LCLAT1: variants seen among roughly 807,000 people sequenced by gnomAD.
LCLAT1 encodes the protein 1-AGP acyltransferase 8.
In LCLAT1, 11 loss-of-function variants were observed where a neutral mutation model predicts 30.7. The observed-to-expected ratio is 0.36, with a 90% confidence interval of 0.23 to 0.59. LCLAT1 has a LOEUF of 0.59. Ranked by LOEUF, LCLAT1 falls within the 20% of genes least tolerant of loss-of-function variation. LCLAT1 has a pLI of 0.77. For missense variants in LCLAT1, 402 were observed against 458.6 expected, an observed-to-expected ratio of 0.88 and a Z score of 1.13; for synonymous variants, 155 against 151.3, an observed-to-expected ratio of 1.02 and a Z score of -0.18.
chr2:30,535,258 C>G (rs901374010), intron 3 of LCLAT1, among the ~76,000 whole-genome samples: 2 of 152,154 alleles, frequency 1.3e-5, no homozygotes, highest in African/African-American at 2.4e-5. Flanking sequence ...CATAAGTGTT[C>G]AATTGATTTA....
chr2:30,616,579 T>C (rs949783013), intron 5 of LCLAT1, among the ~76,000 whole-genome samples: 2 of 152,214 alleles, frequency 1.3e-5, no homozygotes, highest in African/African-American at 4.8e-5. Flanking sequence ...TTCAGAAATA[T>C]GTTGATGTAA....
chr2:30,634,293 A>G (rs181553032), intron 5 of LCLAT1, among the ~76,000 whole-genome samples: 72 of 152,342 alleles, frequency 4.7e-4, no homozygotes, highest in African/African-American at 1.5e-3. Context: ...TAAAGCCCGT[A>G]TAGACAGATG....
chr2:30,595,094 C>A lies in LCLAT1; in HGVS notation c.628+26918C>A, dbSNP rs80355975. Among the ~76,000 whole-genome samples the A allele has an allele frequency of 6.9e-3, 1,053 of 151,948 alleles. 12 individuals are homozygous for A. Among genetic ancestry groups the A allele is most frequent in the African/African-American group, 0.024 (1,013 of 41,416 alleles). The stretch of plus-strand genomic sequence containing the variant: ...TGTGAATAAGAGATTTATTATGTAT[C>A]CTTTATTCGTTGAAACTTGAATCAG... On this transcript the variant is annotated intron_variant, in intron 5 of 5. Transcript: ENST00000379509.
chr2:30,517,760 A>G (rs1369672559), intron 1 of LCLAT1, among the ~76,000 whole-genome samples: 2 of 152,168 alleles, frequency 1.3e-5, no homozygotes, highest in African/African-American at 2.4e-5. Flanking sequence ...TCAGAGAGAG[A>G]CAGAAAGTCA....
intron 5 of LCLAT1, among the ~76,000 whole-genome samples, chr2:30,604,085 C>A (rs917526022): frequency 1.1e-4 from 16 of 151,784 alleles, no homozygotes; most frequent in Non-Finnish European, 1.8e-4. Flanking sequence ...CATGGAAGAA[C>A]AGAGTAAGCA....
chr2:30,474,410 G>A (rs1682948875), intron 1 of LCLAT1, among the ~76,000 whole-genome samples: 1 of 152,198 alleles, frequency 6.6e-6, no homozygotes, highest in Non-Finnish European at 1.5e-5. Flanking sequence ...CTTGCAGTGA[G>A]TGGGGGTTAA....
At chr2:30,497,309 A>T (rs916090555) in intron 1 of LCLAT1, among the ~76,000 whole-genome samples, 1 of 152,164 alleles carries the variant, frequency 6.6e-6, no homozygotes, top group Non-Finnish European at 1.5e-5. Flanking sequence ...TGTAATTATT[A>T]ATTATGTGGA....
rs539867143 is a variant in LCLAT1 at position 30,458,826 on chromosome 2, A to G, written c.-5+11443A>G. The stretch of plus-strand genomic sequence containing the variant: ...CAAGACAGGGGCATTCCCAGCTACT[A>G]TGCCATTAGGATAATGAAAGTAAGC... On this transcript the variant is annotated intron_variant, in intron 1 of 5. Transcript: ENST00000379509. 1.9e-4 allele frequency among the ~76,000 whole-genome samples: 29 copies of G among 152,304 alleles called. No individual in the cohort carries two copies. The East Asian group carries it at 4.6e-3, about 24-fold the overall frequency.
rs577741607 is a variant in LCLAT1 at position 30,478,997 on chromosome 2, A to G, written c.-5+31614A>G. ...TTTTAGGGCCTTTGTTTCTTCATCTACAAAATAAGAATGTTCATAATGGCA... is the reference window on the plus strand; with the variant it reads ...TTTTAGGGCCTTTGTTTCTTCATCTGCAAAATAAGAATGTTCATAATGGCA... On this transcript the variant is annotated intron_variant, in intron 1 of 5. Transcript: ENST00000379509. Among the ~76,000 whole-genome samples the G allele has an allele frequency of 3.9e-5, 6 of 152,222 alleles. No homozygotes were observed. The East Asian group carries it at 9.7e-4, about 25-fold the overall frequency.
chr2:30,534,903 G>A (rs540350314), intron 3 of LCLAT1, among the ~76,000 whole-genome samples: 21 of 152,184 alleles, frequency 1.4e-4, no homozygotes, highest in African/African-American at 4.3e-4. Flanking sequence ...AAATAAAAGA[G>A]AAGGCACATA....
intron 1 of LCLAT1, among the ~76,000 whole-genome samples, chr2:30,464,080 A>G (rs958176942): frequency 1.5e-4 from 23 of 152,282 alleles, no homozygotes; most frequent in African/African-American, 4.3e-4. Context: ...TCTCTTAGCA[A>G]TTGTATGTTT....
chr2:30,471,058 G>A (rs561582489), intron 1 of LCLAT1, among the ~76,000 whole-genome samples: 64 of 149,856 alleles, frequency 4.3e-4, no homozygotes, highest in African/African-American at 1.3e-3. Context: ...GATTACAGGC[G>A]CCCACCACCA....
intron 5 of LCLAT1, among the ~76,000 whole-genome samples, chr2:30,594,965 T>G (rs4952155): frequency 0.13 from 19,326 of 152,240 alleles, 1,363 homozygotes; most frequent in South Asian, 0.23. Flanking sequence ...ATTCAGTTAT[T>G]CTGGTCTCCA....
At chr2:30,570,743 A>G (rs937606353) in intron 5 of LCLAT1, among the ~76,000 whole-genome samples, 6 of 152,210 alleles carry the variant, frequency 3.9e-5, no homozygotes, top group African/African-American at 1.4e-4. Flanking sequence ...AAAAGAATTT[A>G]AAAAGAGGCT....
chr2:30,447,488 C>T (rs1326789768), intron 1 of LCLAT1, 105 bp downstream of exon 1: 1 of 152,466 alleles, frequency 6.6e-6, no homozygotes, highest in Non-Finnish European at 1.5e-5. Flanking sequence ...GGCTTTTCCT[C>T]CTGAGCCATG....
chr2:30,477,186 T>C (rs1683086421), intron 1 of LCLAT1, among the ~76,000 whole-genome samples: 1 of 152,188 alleles, frequency 6.6e-6, no homozygotes, highest in Non-Finnish European at 1.5e-5. Flanking sequence ...CCACCCTCTT[T>C]ATTGGATTTT....
intron 3 of LCLAT1, among the ~76,000 whole-genome samples, chr2:30,551,736 C>G (rs556244835): frequency 6.6e-6 from 1 of 152,210 alleles, no homozygotes; most frequent in East Asian, 1.9e-4. Flanking sequence ...GGCTTGTGGC[C>G]CCTTCTTCTG....
At chr2:30,568,635 G>C (rs948113634) in intron 5 of LCLAT1, among the ~76,000 whole-genome samples, 1 of 148,824 alleles carries the variant, frequency 6.7e-6, no homozygotes, top group Non-Finnish European at 1.5e-5. Flanking sequence ...AGCCTCCCAA[G>C]TAGCTGGGAC....
intron 5 of LCLAT1, among the ~76,000 whole-genome samples, chr2:30,612,643 G>A (rs1271101539): frequency 6.6e-6 from 1 of 152,178 alleles, no homozygotes; most frequent in East Asian, 1.9e-4. Context: ...GGCAAAGAAT[G>A]TCTCATGTCC....
Sources: gnomAD v4.1 joint callset for allele counts (sites outside exome capture counted in the v4.1 genomes callset) on GRCh38, gnomAD v4.1.1 for gene constraint, MANE v1.5 for transcripts, NCBI Gene and HGNC (gene_info 2026-07-23, HGNC 2026-07-21) for gene names.